ZDHHC11B: variants seen among roughly 807,000 people sequenced by gnomAD.
The protein encoded by ZDHHC11B is probable palmitoyltransferase ZDHHC11B.
Under a neutral mutation model 42.3 loss-of-function variants are expected in ZDHHC11B, and 17 were observed. That is an observed-to-expected ratio of 0.40 (90% CI 0.27 to 0.60). ZDHHC11B has a LOEUF of 0.60. Ranked by LOEUF, ZDHHC11B falls within the 20% of genes least tolerant of loss-of-function variation. ZDHHC11B has a pLI of 0.41. For missense variants in ZDHHC11B, 262 were observed against 463.2 expected, an observed-to-expected ratio of 0.57 and a Z score of 3.99; for synonymous variants, 123 against 193.5, an observed-to-expected ratio of 0.64 and a Z score of 3.02.
intron 4 of ZDHHC11B, among the ~76,000 whole-genome samples, chr5:763,672 G>A (rs1335311260): frequency 2.0e-5 from 3 of 151,726 alleles, no homozygotes; most frequent in Admixed American, 6.6e-5. Flanking sequence ...TGTGAGCCAC[G>A]CATCTGTAGA....
intron 12 of ZDHHC11B, 39 bp from the exon 13 acceptor site, chr5:716,904 T>C (rs1340012782): frequency 7.4e-6 from 12 of 1,611,988 alleles, no homozygotes; most frequent in Non-Finnish European, 1.0e-5. Context: ...ACAGAGAACG[T>C]ATGATGTAAT....
chr5:754,265 G>A (rs74693477), intron 6 of ZDHHC11B, among the ~76,000 whole-genome samples: 14,662 of 33,924 alleles, frequency 0.43, 4,427 homozygotes, highest in Non-Finnish European at 0.51. Context: ...AACACCTCTC[G>A]TCTATGAGCC....
At chr5:769,983 C>G (rs1417130165) in intron 1 of ZDHHC11B, among the ~76,000 whole-genome samples, 1 of 151,900 alleles carries the variant, frequency 6.6e-6, no homozygotes, top group Non-Finnish European at 1.5e-5. Flanking sequence ...AGACGGCCGT[C>G]CACACCACTC....
rs559855213 is a variant in ZDHHC11B, at chr5:733,723, A to G, written c.1023+29T>C. On this transcript the variant is annotated intron_variant, in intron 11 of 13. Transcript: ENST00000508859. ...ATATTCTGCACACGGCCCTGTCCTCAGGGTGCATTGCTGGTGACTGCAACT... is the reference window on the plus strand; with the variant it reads ...ATATTCTGCACACGGCCCTGTCCTCGGGGTGCATTGCTGGTGACTGCAACT... 1.2e-4 allele frequency: 192 copies of G among 1,590,920 alleles called. 3 individuals carry two copies. The highest frequency in any genetic ancestry group is 7.6e-4 in the African/African-American group (56 of 73,990).
At chr5:766,069 T>C (rs1362289818) in intron 4 of ZDHHC11B, among the ~76,000 whole-genome samples, 2 of 151,814 alleles carry the variant, frequency 1.3e-5, no homozygotes, top group Non-Finnish European at 2.9e-5. Flanking sequence ...GGGCCTGGGG[T>C]TTCTCAACTG....
chr5:744,750 G>A (rs1410789028), intron 9 of ZDHHC11B, among the ~76,000 whole-genome samples: 5 of 148,994 alleles, frequency 3.4e-5, no homozygotes, highest in African/African-American at 9.9e-5. Flanking sequence ...ATACATCTGC[G>A]ATCCCAGCTA....
chr5:741,003 A>G (rs566364132), intron 10 of ZDHHC11B, among the ~76,000 whole-genome samples: 1 of 84,528 alleles, frequency 1.2e-5, no homozygotes, highest in African/African-American at 3.1e-5. Flanking sequence ...CACCCTTTTG[A>G]GAAGTCATCA....
chr5:759,971 C>T (rs539716422), intron 4 of ZDHHC11B, among the ~76,000 whole-genome samples: 12 of 152,002 alleles, frequency 7.9e-5, no homozygotes, highest in South Asian at 2.1e-4. Flanking sequence ...CCGGGGATGC[C>T]GTCCTGAGCC....
At chr5:757,364 C>A (rs1365202911) in intron 4 of ZDHHC11B, among the ~76,000 whole-genome samples, 1 of 151,960 alleles carries the variant, frequency 6.6e-6, no homozygotes, top group Non-Finnish European at 1.5e-5. Context: ...GGGATTTTAG[C>A]AGAAGGCTGC....
At chr5:733,081 G>A (rs1743156524) in intron 11 of ZDHHC11B, among the ~76,000 whole-genome samples, 1 of 151,446 alleles carries the variant, frequency 6.6e-6, no homozygotes, top group Non-Finnish European at 1.5e-5. Context: ...TGACCCAGCA[G>A]AAACCACTGG....
intron 1 of ZDHHC11B, among the ~76,000 whole-genome samples, chr5:775,164 T>C (rs1736370054): frequency 6.6e-6 from 1 of 152,066 alleles, no homozygotes; most frequent in East Asian, 1.9e-4. Flanking sequence ...GTCACAAGTG[T>C]CCTGCAGGCC....
At chr5:784,535 C>G (rs1170110800) in intron 1 of ZDHHC11B, among the ~76,000 whole-genome samples, 133 bp downstream of exon 1, 6 of 152,360 alleles carry the variant, frequency 3.9e-5, no homozygotes, top group African/African-American at 1.2e-4. Flanking sequence ...CAGGGCGGCC[C>G]GGGAATGTGG....
chr5:775,238 A>G (rs1736377743), intron 1 of ZDHHC11B, among the ~76,000 whole-genome samples: 1 of 151,892 alleles, frequency 6.6e-6, no homozygotes, highest in Admixed American at 6.6e-5. Flanking sequence ...CCTGCTCTGG[A>G]GAAGCCACCA....
At chr5:780,370 G>T (rs1485589628) in intron 1 of ZDHHC11B, among the ~76,000 whole-genome samples, 1 of 150,952 alleles carries the variant, frequency 6.6e-6, no homozygotes. Context: ...GGTGGTCTCA[G>T]GGACAGCGGG....
intron 4 of ZDHHC11B, among the ~76,000 whole-genome samples, chr5:763,999 C>T (rs1281209898): frequency 6.6e-6 from 1 of 151,924 alleles, no homozygotes; most frequent in Admixed American, 6.6e-5. Flanking sequence ...CTGAAAGACG[C>T]CACAGGAACA....
At chr5:758,300 G>C (rs2127143239) in intron 4 of ZDHHC11B, among the ~76,000 whole-genome samples, 1 of 152,084 alleles carries the variant, frequency 6.6e-6, no homozygotes, top group Non-Finnish European at 1.5e-5. Flanking sequence ...GTGGCAGGGA[G>C]GGTGGGGCCA....
In ZDHHC11B at chr5:763,890, T is replaced by C. The variant is rs547299466; in HGVS notation, c.222+2808A>G. ...TTTTTAAAGGTTACTCGGATACACA[T>C]GCATGTGAGATATAAAACAAGGTTA... On this transcript the variant is annotated intron_variant, in intron 4 of 13. Coordinates refer to ENST00000508859, the MANE Select transcript of ZDHHC11B (RefSeq NM_001351303.2). Among the ~76,000 whole-genome samples the C allele has an allele frequency of 3.9e-5, 6 of 151,996 alleles. No individual in the cohort carries two copies. In the East Asian group the frequency reaches 1.2e-3, roughly 29 times the overall value.
At chr5:754,204 A>C (rs590271) in intron 6 of ZDHHC11B, among the ~76,000 whole-genome samples, 2 of 42,944 alleles carry the variant, frequency 4.7e-5, no homozygotes, top group East Asian at 1.3e-3. Context: ...AGCCTCCACC[A>C]TGCTCAGGGG....
chr5:741,893 C>G (rs1271139816), intron 9 of ZDHHC11B, among the ~76,000 whole-genome samples: 2 of 84,178 alleles, frequency 2.4e-5, no homozygotes, highest in African/African-American at 7.7e-5. Flanking sequence ...TATGGTGGCA[C>G]TTTACACCCT....
Sources: gnomAD v4.1 joint callset for allele counts (sites outside exome capture counted in the v4.1 genomes callset) on GRCh38, gnomAD v4.1.1 for gene constraint, MANE v1.5 for transcripts, NCBI Gene and HGNC (gene_info 2026-07-23, HGNC 2026-07-21) for gene names.